The following LEKR1 variants were observed in gnomAD, a reference collection of about 807,000 sequenced individuals.
LEKR1 encodes leucine, glutamate and lysine rich 1.
In LEKR1, 59 loss-of-function variants were observed where a neutral mutation model predicts 72.4. The ratio of observed to expected loss-of-function variants is 0.82; its 90% CI spans 0.66 to 1.01. The LOEUF is 1.01. LEKR1 is among the 50% of genes least tolerant of loss of function. LEKR1 has a pLI of 0.00. For missense variants in LEKR1, 728 were observed against 759.2 expected, an observed-to-expected ratio of 0.96 and a Z score of 0.48; for synonymous variants, 257 against 263.2, an observed-to-expected ratio of 0.98 and a Z score of 0.23.
intron 3 of LEKR1, among the ~76,000 whole-genome samples, chr3:156,854,976 T>G (rs1715865949): frequency 6.6e-6 from 1 of 152,226 alleles, no homozygotes; most frequent in Admixed American, 6.5e-5. Flanking sequence ...TATTGGAAAT[T>G]GTTCCATGTT....
chr3:156,865,549 C>T (rs987674103), intron 3 of LEKR1, among the ~76,000 whole-genome samples: 3 of 151,962 alleles, frequency 2.0e-5, no homozygotes, highest in African/African-American at 7.3e-5. Context: ...TTCATTCAAC[C>T]ACGATGCTAG....
intron 3 of LEKR1, among the ~76,000 whole-genome samples, chr3:156,909,955 C>T (rs1722946986): frequency 6.6e-6 from 1 of 152,006 alleles, no homozygotes; most frequent in African/African-American, 2.4e-5. Flanking sequence ...ACTTTTATAG[C>T]TCTTTATTTT....
chr3:156,967,920 A>C (rs1728781631), intron 6 of LEKR1, among the ~76,000 whole-genome samples: 1 of 152,200 alleles, frequency 6.6e-6, no homozygotes, highest in Admixed American at 6.5e-5. Context: ...GACTAACAGC[A>C]GATCTCTCAG....
chr3:156,873,817 A>C (rs1469580681), intron 3 of LEKR1, among the ~76,000 whole-genome samples: 1 of 152,020 alleles, frequency 6.6e-6, no homozygotes, highest in East Asian at 1.9e-4. Context: ...TACTTTTAGA[A>C]TATCATCCCA....
chr3:157,021,854 A>T (rs1170468029), intron 10 of LEKR1, among the ~76,000 whole-genome samples: 3 of 152,236 alleles, frequency 2.0e-5, no homozygotes, highest in East Asian at 3.9e-4. Context: ...ATATTTAAGA[A>T]CTATGTGACT....
At chr3:156,868,735 C>T (rs151117760) in intron 3 of LEKR1, among the ~76,000 whole-genome samples, 321 of 151,946 alleles carry the variant, frequency 2.1e-3, no homozygotes, top group African/African-American at 7.4e-3. Context: ...ATATATAATA[C>T]ATTGTTATTA....
chr3:156,948,425 A>T (rs147779476), intron 6 of LEKR1, among the ~76,000 whole-genome samples: 1 of 151,176 alleles, frequency 6.6e-6, no homozygotes, highest in Non-Finnish European at 1.5e-5. Context: ...TGGGCCTACA[A>T]CTTCCCAAAA....
intron 3 of LEKR1, among the ~76,000 whole-genome samples, chr3:156,903,891 A>G (rs892861697): frequency 1.3e-5 from 2 of 152,158 alleles, no homozygotes; most frequent in African/African-American, 4.8e-5. Flanking sequence ...CCACTTAGCC[A>G]GCTGGGTTGG....
intron 3 of LEKR1, among the ~76,000 whole-genome samples, chr3:156,882,475 T>C (rs927124260): frequency 6.6e-6 from 1 of 152,136 alleles, no homozygotes; most frequent in African/African-American, 2.4e-5. Flanking sequence ...CCAGTTAGAA[T>C]GGCAATCATT....
chr3:157,024,992 A>G (rs1434901461), intron 11 of LEKR1, 68 bp downstream of exon 11: 1 of 1,014,612 alleles, frequency 9.9e-7, no homozygotes, highest in Non-Finnish European at 1.5e-6. Context: ...ATTTCGCCTT[A>G]GAACACTACA....
intron 5 of LEKR1, among the ~76,000 whole-genome samples, chr3:156,933,604 T>C (rs1232645518): frequency 6.6e-6 from 1 of 152,224 alleles, no homozygotes; most frequent in Non-Finnish European, 1.5e-5. Flanking sequence ...ATTTACCTCA[T>C]AATATCAATA....
At chr3:157,029,522 T>G (rs1456100162) in intron 12 of LEKR1, among the ~76,000 whole-genome samples, 1 of 152,160 alleles carries the variant, frequency 6.6e-6, no homozygotes, top group Non-Finnish European at 1.5e-5. Context: ...TTATTCTGCT[T>G]CTGTATTTCA....
intron 9 of LEKR1, among the ~76,000 whole-genome samples, chr3:157,003,969 T>C (rs2108017277): frequency 6.6e-6 from 1 of 152,238 alleles, no homozygotes; most frequent in South Asian, 2.1e-4. Context: ...GGCAAAATGG[T>C]AGATTTAAGC....
intron 3 of LEKR1, among the ~76,000 whole-genome samples, chr3:156,863,292 A>G (rs1716970099): frequency 6.6e-6 from 1 of 152,004 alleles, no homozygotes; most frequent in Non-Finnish European, 1.5e-5. Flanking sequence ...CACCCCGTCT[A>G]ATGCTGGACT....
chr3:156,949,941 CA>C (rs1427923794), intron 6 of LEKR1, among the ~76,000 whole-genome samples: 1 of 151,104 alleles, frequency 6.6e-6, no homozygotes, highest in Non-Finnish European at 1.5e-5. Context: ...CTTTCTAAAA[CA>C]TTGTATAAAA....
intron 3 of LEKR1, among the ~76,000 whole-genome samples, chr3:156,876,101 C>T (rs1718539446): frequency 6.6e-6 from 1 of 150,490 alleles, no homozygotes; most frequent in Admixed American, 6.6e-5. Flanking sequence ...CCTTTCCCTA[C>T]TTTGGTTTTG....
Position 156,942,648 on chromosome 3 carries a change from C to A in LEKR1, c.679C>A (p.Arg227=). 1 of 1,270,032 alleles carries A rather than the reference C, an allele frequency of 7.9e-7. No homozygotes were observed. The allele number at this position is 1,270,032 out of a possible 1,614,324, so 78.7% of individuals were successfully genotyped here. A position where few individuals can be genotyped will look rare whatever the true frequency, so the allele number is the denominator to read the frequency against. The change falls in exon 6 of 13, where the codon CGG becomes AGG. Residue 227 remains arginine, a synonymous_variant. Transcript: ENST00000356539. ...AGCCATATTGAGATCTCAGCAGATT[C>A]GGACATCTAGACAACAGGAAGTAAA... is the stretch of plus-strand genomic sequence containing the variant. ...DAAILRSQQI[R]TSRQQEVNLQ...
chr3:157,045,201 A>T, intron 12 of LEKR1, 139 bp from the exon 13 acceptor site: 1 of 654,612 alleles, frequency 1.5e-6, no homozygotes, highest in South Asian at 2.1e-5. Flanking sequence ...TGTCTGTCCC[A>T]TGAGGTAGAG....
chr3:156,839,964 C>CT (rs1292798002), intron 2 of LEKR1, among the ~76,000 whole-genome samples: 2 of 152,184 alleles, frequency 1.3e-5, no homozygotes, highest in African/African-American at 4.8e-5. Context: ...CTTTCTCCAC[C>CT]TGTGTCATCC....
Sources: allele counts gnomAD v4.1 joint callset (sites outside exome capture counted in the v4.1 genomes callset), GRCh38; gene constraint gnomAD v4.1.1; transcripts MANE v1.5; gene names NCBI Gene and HGNC (gene_info 2026-07-23, HGNC 2026-07-21).